The following KANK1 variants were observed in gnomAD, a reference collection of about 807,000 sequenced individuals.
KANK1 encodes the protein KN motif and ankyrin repeat domains 1.
KANK1 carries 109 observed loss-of-function variants against 106.2 expected under a neutral mutation model. The ratio of observed to expected loss-of-function variants is 1.03; its 90% CI spans 0.88 to 1.20. The LOEUF (loss-of-function observed/expected upper bound fraction) is 1.20. Among genes scored for constraint, KANK1 ranks in the 50% most tolerant of loss-of-function variants. The pLI, the probability that KANK1 is intolerant of heterozygous loss-of-function variation, is 0.00. For synonymous variants in KANK1, 873 were observed against 652.2 expected, an observed-to-expected ratio of 1.34 and a Z score of -5.16; for missense variants, 2,399 against 1,710.7, an observed-to-expected ratio of 1.40 and a Z score of -7.10.
intron 1 of KANK1, among the ~76,000 whole-genome samples, chr9:616,345 G>C (rs1318645645): frequency 1.3e-5 from 2 of 152,164 alleles, no homozygotes; most frequent in Non-Finnish European, 2.9e-5. Context: ...ATTTAAGATA[G>C]TAGATCTTGT....
intron 1 of KANK1, among the ~76,000 whole-genome samples, chr9:644,205 C>T (rs1839154351): frequency 6.6e-6 from 1 of 151,040 alleles, no homozygotes; most frequent in Non-Finnish European, 1.5e-5. Flanking sequence ...CTATCCTAGC[C>T]TTGTAGGTCT....
intron 1 of KANK1, among the ~76,000 whole-genome samples, chr9:566,619 G>C (rs769490046): frequency 2.0e-5 from 3 of 152,152 alleles, no homozygotes; most frequent in Non-Finnish European, 4.4e-5. Context: ...GTAATGTTGA[G>C]CTTTTTTTCC....
intron 1 of KANK1, among the ~76,000 whole-genome samples, chr9:642,121 G>C (rs912136358): frequency 6.6e-6 from 1 of 152,148 alleles, no homozygotes; most frequent in Non-Finnish European, 1.5e-5. Flanking sequence ...ATGAACTGTT[G>C]GCTTGGATTT....
intron 1 of KANK1, among the ~76,000 whole-genome samples, chr9:613,972 C>G (rs1366643952): frequency 6.6e-6 from 1 of 152,112 alleles, no homozygotes; most frequent in Non-Finnish European, 1.5e-5. Context: ...TTCTCCTCCC[C>G]TCTTATTTGA....
intron 1 of KANK1, among the ~76,000 whole-genome samples, chr9:575,735 AGCTTG>A (rs1820381505): frequency 1.3e-5 from 2 of 152,118 alleles, no homozygotes; most frequent in East Asian, 3.9e-4. Context: ...TTAAGCAATA[AGCTTG>A]GCCGGGCACA....
At chr9:665,565 C>G (rs930863757) in intron 1 of KANK1, among the ~76,000 whole-genome samples, 1 of 152,202 alleles carries the variant, frequency 6.6e-6, no homozygotes, top group African/African-American at 2.4e-5. Flanking sequence ...GATCTGGCTA[C>G]TATAGCCTTG....
intron 1 of KANK1, among the ~76,000 whole-genome samples, chr9:552,104 G>A (rs1284398026): frequency 6.6e-6 from 1 of 152,096 alleles, no homozygotes; most frequent in Non-Finnish European, 1.5e-5. Flanking sequence ...TCTAGCCTAG[G>A]CAAGTACGGC....
intron 2 of KANK1, chr9:470,856 C>T: frequency 6.6e-6 from 1 of 152,298 alleles, no homozygotes; most frequent in South Asian, 2.1e-4. Context: ...TTCCCCCACT[C>T]CCCTTGACTG....
intron 3 of KANK1, chr9:492,225 CTTAGT>C (rs978118619): frequency 3.3e-5 from 5 of 152,188 alleles, no homozygotes; most frequent in African/African-American, 1.2e-4. Context: ...AGTTTTGAGT[CTTAGT>C]TTATTTACTC....
chr9:732,325 C>T, intron 5 of KANK1, 53 bp from the exon 6 acceptor site: 1 of 1,558,434 alleles, frequency 6.4e-7, no homozygotes, highest in Non-Finnish European at 8.7e-7. Context: ...ATTTCTATCA[C>T]TGGGTCTTCG....
At chr9:604,975 C>G (rs534587908) in intron 1 of KANK1, among the ~76,000 whole-genome samples, 1 of 151,850 alleles carries the variant, frequency 6.6e-6, no homozygotes, top group Admixed American at 6.5e-5. Flanking sequence ...TGGGCAATGT[C>G]TGACAGTTTG....
chr9:598,467 C>T (rs2135761448), intron 1 of KANK1, among the ~76,000 whole-genome samples: 1 of 151,380 alleles, frequency 6.6e-6, no homozygotes, highest in East Asian at 1.9e-4. Flanking sequence ...GTCATCTTAA[C>T]AATATTAAGA....
At chr9:583,867 C>T (rs1023812641) in intron 1 of KANK1, among the ~76,000 whole-genome samples, 9 of 151,890 alleles carry the variant, frequency 5.9e-5, no homozygotes, top group Non-Finnish European at 8.8e-5. Flanking sequence ...AAGTGTTCAA[C>T]CCCAAAGATA....
chr9:518,492 GA>G (rs903756148), intron 1 of KANK1, among the ~76,000 whole-genome samples: 1 of 151,718 alleles, frequency 6.6e-6, no homozygotes. Context: ...CGATGTAGGG[GA>G]GGGGTTCGGA....
intron 3 of KANK1, among the ~76,000 whole-genome samples, chr9:474,879 C>T (rs1421245343): frequency 6.6e-6 from 1 of 152,138 alleles, no homozygotes; most frequent in East Asian, 1.9e-4. Flanking sequence ...TCTCAGGACT[C>T]CTCACACTGG....
At chr9:702,428 T>C (rs575820357) in intron 2 of KANK1, among the ~76,000 whole-genome samples, 3 of 152,190 alleles carry the variant, frequency 2.0e-5, no homozygotes, top group Non-Finnish European at 4.4e-5. Flanking sequence ...ACTTTGTCCA[T>C]TTTGTTCGGT....
At chr9:629,676 A>G (rs541953719) in intron 1 of KANK1, among the ~76,000 whole-genome samples, 17 of 152,254 alleles carry the variant, frequency 1.1e-4, no homozygotes, top group Middle Eastern at 3.4e-3. Flanking sequence ...ATCTCAAACA[A>G]CTCAGTTACA....
At chr9:739,951 C>G (rs1375593189) in intron 8 of KANK1, among the ~76,000 whole-genome samples, 1 of 152,156 alleles carries the variant, frequency 6.6e-6, no homozygotes, top group Non-Finnish European at 1.5e-5. Context: ...AAAACACCCA[C>G]TTTTAAAAAC....
intron 1 of KANK1, among the ~76,000 whole-genome samples, chr9:617,031 C>T (rs192646185): frequency 1.2e-4 from 18 of 152,186 alleles, no homozygotes; most frequent in Admixed American, 8.5e-4. Flanking sequence ...GCAGTCCCTT[C>T]TCTAGAAGAT....
Sources: allele counts gnomAD v4.1 joint callset (sites outside exome capture counted in the v4.1 genomes callset), GRCh38; gene constraint gnomAD v4.1.1; transcripts MANE v1.5; gene names NCBI Gene and HGNC (gene_info 2026-07-23, HGNC 2026-07-21).